The following CEP112 variants were observed in gnomAD, a reference collection of about 807,000 sequenced individuals.
CEP112 encodes the protein centrosomal protein of 112 kDa.
Under a neutral mutation model 153.0 loss-of-function variants are expected in CEP112, and 127 were observed. The ratio of observed to expected loss-of-function variants is 0.83; its 90% CI spans 0.72 to 0.96. The LOEUF (loss-of-function observed/expected upper bound fraction) is 0.96, where lower values mean the gene tolerates loss of function less well. Among genes scored for constraint, CEP112 ranks in the 40% least tolerant of loss-of-function variants. The pLI is 0.00. For synonymous variants in CEP112, 358 were observed against 374.4 expected (o/e 0.96, Z 0.51); for missense variants, 1,089 against 1,101.2 (o/e 0.99, Z 0.16).
At chr17:65,720,409 T>G (rs2049797735) in intron 23 of CEP112, among the ~76,000 whole-genome samples, 1 of 152,168 alleles carries the variant, frequency 6.6e-6, no homozygotes, top group Non-Finnish European at 1.5e-5. Flanking sequence ...ACAGTTTCCC[T>G]GTGGAGCAAC....
At chr17:66,172,529 G>A (rs2072289257) in intron 4 of CEP112, among the ~76,000 whole-genome samples, 1 of 152,032 alleles carries the variant, frequency 6.6e-6, no homozygotes, top group African/African-American at 2.4e-5. Flanking sequence ...CCAACAAAGA[G>A]AATTAAGTTA....
chr17:65,685,915 G>A (rs572041590), intron 24 of CEP112, among the ~76,000 whole-genome samples: 8 of 151,782 alleles, frequency 5.3e-5, no homozygotes, highest in African/African-American at 1.4e-4. Flanking sequence ...TCAGGTGATC[G>A]GCTTTCCAAA....
At position 65,744,439 on chromosome 17, in the gene CEP112, G is replaced by T. The variant is rs560851424; in HGVS notation, c.2458-1222C>A. 4.6e-5 allele frequency among the ~76,000 whole-genome samples: 7 copies of T among 152,056 alleles called. No homozygotes were observed. In the South Asian group the frequency reaches 1.2e-3, roughly 27 times the overall value. On this transcript the variant is annotated intron_variant, in intron 22 of 26. Coordinates refer to ENST00000535342, the MANE Select transcript of CEP112 (RefSeq NM_001199165.4). ...ATTTTTGTATTTTTAGTAGAGACGA[G>T]TTTCACCATATTGGCCAGACTGGTC...
At chr17:65,728,067 C>T (rs1339759361) in intron 23 of CEP112, among the ~76,000 whole-genome samples, 1 of 152,244 alleles carries the variant, frequency 6.6e-6, no homozygotes, top group Non-Finnish European at 1.5e-5. Flanking sequence ...CATCTGTTGA[C>T]ATACTGTCTA....
At chr17:65,978,389 G>C (rs1331474017) in intron 17 of CEP112, among the ~76,000 whole-genome samples, 1 of 152,240 alleles carries the variant, frequency 6.6e-6, no homozygotes, top group Non-Finnish European at 1.5e-5. Flanking sequence ...ATCAGGAAAA[G>C]AGCAATGAAG....
chr17:65,656,439 A>G (rs1354000868), intron 24 of CEP112, among the ~76,000 whole-genome samples: 2 of 152,228 alleles, frequency 1.3e-5, no homozygotes, highest in African/African-American at 4.8e-5. Flanking sequence ...AACAACATAG[A>G]ATATGCAAAA....
chr17:65,993,510 G>C (rs2063671102), intron 17 of CEP112, among the ~76,000 whole-genome samples: 1 of 152,136 alleles, frequency 6.6e-6, no homozygotes, highest in South Asian at 2.1e-4. Flanking sequence ...CAGCAGAAGT[G>C]TGTATATTTA....
chr17:66,018,989 A>C (rs976022162), intron 16 of CEP112, among the ~76,000 whole-genome samples: 1 of 152,236 alleles, frequency 6.6e-6, no homozygotes, highest in African/African-American at 2.4e-5. Context: ...CTGATTTAAC[A>C]GATGAGGACA....
chr17:65,742,313 G>A (rs922794556), intron 23 of CEP112, among the ~76,000 whole-genome samples: 6 of 152,064 alleles, frequency 3.9e-5, no homozygotes, highest in African/African-American at 1.2e-4. Context: ...AACTAAAGTC[G>A]CTGAAAAATA....
intron 23 of CEP112, among the ~76,000 whole-genome samples, chr17:65,704,571 T>G (rs1456999732): frequency 6.6e-6 from 1 of 152,188 alleles, no homozygotes; most frequent in African/African-American, 2.4e-5. Flanking sequence ...CTATGTTATA[T>G]TGATCTATCG....
chr17:65,810,111 C>T (rs1473695773), intron 21 of CEP112, among the ~76,000 whole-genome samples: 1 of 152,144 alleles, frequency 6.6e-6, no homozygotes, highest in Admixed American at 6.5e-5. Context: ...CGAAGAGCCT[C>T]ATTGCCATGA....
chr17:65,658,767 G>A (rs998774911), intron 24 of CEP112, among the ~76,000 whole-genome samples: 1 of 152,048 alleles, frequency 6.6e-6, no homozygotes, highest in Non-Finnish European at 1.5e-5. Context: ...ATCTATAAGG[G>A]ACTTCCACAT....
chr17:65,944,436 T>C (rs551696392), intron 18 of CEP112, among the ~76,000 whole-genome samples: 3 of 152,304 alleles, frequency 2.0e-5, no homozygotes, highest in Admixed American at 2.0e-4. Flanking sequence ...CTTTCATATA[T>C]CTTAAGAATC....
At chr17:66,068,827 T>C (rs1361339682) in intron 9 of CEP112, among the ~76,000 whole-genome samples, 1 of 152,106 alleles carries the variant, frequency 6.6e-6, no homozygotes. Flanking sequence ...TATACATCAA[T>C]AGACTCTATT....
chr17:65,759,697 A>G (rs1299694569), intron 21 of CEP112, among the ~76,000 whole-genome samples: 1 of 152,186 alleles, frequency 6.6e-6, no homozygotes, highest in Non-Finnish European at 1.5e-5. Context: ...GGCAACAGGA[A>G]GCAGAGGATT....
rs12948946 is a variant in CEP112 at position 65,743,234 on chromosome 17, A to T, written c.2458-17T>A. Reference sequence around the variant, plus strand: ...TGCTATGATCTAAAATGAAAACAGCATGCTATAACTTCAAATTCTTCTGGG... The same window carrying T: ...TGCTATGATCTAAAATGAAAACAGCTTGCTATAACTTCAAATTCTTCTGGG... On this transcript the variant is annotated splice_polypyrimidine_tract_variant and intron_variant, in intron 22 of 26. Coordinates refer to ENST00000535342, the MANE Select transcript of CEP112 (RefSeq NM_001199165.4). 6.3e-7 allele frequency: 1 copy of T among 1,586,208 alleles called. No individual in the cohort carries two copies. The highest frequency in any genetic ancestry group is 8.5e-7 in the Non-Finnish European group (1 of 1,170,082).
chr17:66,058,880 C>A (rs9900786), intron 11 of CEP112, among the ~76,000 whole-genome samples: 1 of 151,824 alleles, frequency 6.6e-6, no homozygotes, highest in South Asian at 2.1e-4. Context: ...AAGAACAAGG[C>A]CAGTGGGAAT....
intron 23 of CEP112, among the ~76,000 whole-genome samples, chr17:65,719,737 G>C (rs190067848): frequency 9.5e-4 from 144 of 152,316 alleles, no homozygotes; most frequent in Non-Finnish European, 3.8e-4. Flanking sequence ...CTGAAGATGA[G>C]AGAAAGCTCA....
intron 24 of CEP112, among the ~76,000 whole-genome samples, chr17:65,658,674 G>A (rs1185829849): frequency 6.6e-6 from 1 of 152,074 alleles, no homozygotes; most frequent in Non-Finnish European, 1.5e-5. Flanking sequence ...TCACAGGCCA[G>A]AAGAAGAAGC....
Sources: allele counts gnomAD v4.1 joint callset (sites outside exome capture counted in the v4.1 genomes callset), GRCh38; gene constraint gnomAD v4.1.1; transcripts MANE v1.5; gene names NCBI Gene and HGNC (gene_info 2026-07-23, HGNC 2026-07-21).